RBPJ: variants seen among roughly 807,000 people sequenced by gnomAD.
RBPJ encodes recombination signal binding protein for immunoglobulin kappa J region, also known as recombining binding protein suppressor of hairless.
In RBPJ, 9 loss-of-function variants were observed where a neutral mutation model predicts 67.8. The ratio of observed to expected loss-of-function variants is 0.13; its 90% CI spans 0.08 to 0.23. The LOEUF is 0.23. RBPJ is among the 10% of genes least tolerant of loss of function. RBPJ has a pLI of 1.00. For synonymous variants in RBPJ, 198 were observed against 203.3 expected (o/e 0.97, Z 0.22); for missense variants, 305 against 595.6 (o/e 0.51, Z 5.08).
At chr4:26,353,206 G>C (rs995007019) in intron 1 of RBPJ, among the ~76,000 whole-genome samples, 1 of 152,138 alleles carries the variant, frequency 6.6e-6, no homozygotes, top group South Asian at 2.1e-4. Context: ...ACATTAATAT[G>C]CTAGGAAAAA....
intron 1 of RBPJ, among the ~76,000 whole-genome samples, chr4:26,345,892 C>T (rs1010360000): frequency 1.3e-5 from 2 of 152,120 alleles, no homozygotes; most frequent in African/African-American, 4.8e-5. Context: ...TACAGTGATG[C>T]TGGGGCTTAA....
At chr4:26,149,478 C>T in the RBPJ span, among the ~76,000 whole-genome samples, 1 of 152,158 alleles carries the variant, frequency 6.6e-6, no homozygotes, top group Non-Finnish European at 1.5e-5. Context: ...CGGATGTATT[C>T]CCCAAAATTC....
intron 1 of RBPJ, among the ~76,000 whole-genome samples, chr4:26,254,648 T>G (rs536096947): frequency 1.4e-5 from 2 of 147,914 alleles, no homozygotes; most frequent in South Asian, 4.2e-4. Context: ...ATGCTAGATA[T>G]GCTGTAAAAA....
At chr4:26,324,461 T>G (rs1723415143) in intron 1 of RBPJ, among the ~76,000 whole-genome samples, 1 of 152,030 alleles carries the variant, frequency 6.6e-6, no homozygotes, top group East Asian at 1.9e-4. Context: ...AACTCAAATG[T>G]AATAACATTA....
At chr4:26,114,658 G>A in the RBPJ span, among the ~76,000 whole-genome samples, 89,391 of 151,304 alleles carry the variant, frequency 0.59, 27,297 homozygotes, top group African/African-American at 0.66. Flanking sequence ...ACGTGTTAAC[G>A]TTTTCCACAC....
At chr4:26,182,919 G>A (rs982750792) in intron 1 of RBPJ, among the ~76,000 whole-genome samples, 6 of 152,134 alleles carry the variant, frequency 3.9e-5, no homozygotes, top group African/African-American at 1.2e-4. Context: ...GAAGGTCTTT[G>A]GGGCAATAAC....
rs113535806 is a variant in RBPJ at position 26,239,836 on chromosome 4, T to C, written c.-167+76222T>C. 8.3e-3 allele frequency among the ~76,000 whole-genome samples: 1,267 copies of C among 152,308 alleles called. 16 individuals carry two copies. The highest frequency in any genetic ancestry group is 0.028 in the African/African-American group (1,184 of 41,556). On this transcript the variant is annotated intron_variant, in intron 1 of 4. Coordinates refer to the RBPJ transcript ENST00000512351. Reference sequence around the variant, plus strand: ...CCTTGTTTCAGTGATGACAGTGAATTCCGTTATGCTGTTTCATTCTCTATT... The same window carrying C: ...CCTTGTTTCAGTGATGACAGTGAATCCCGTTATGCTGTTTCATTCTCTATT...
intron 1 of RBPJ, among the ~76,000 whole-genome samples, chr4:26,171,181 T>G (rs561500944): frequency 6.6e-6 from 1 of 152,370 alleles, no homozygotes; most frequent in South Asian, 2.1e-4. Flanking sequence ...TAATTTCTCT[T>G]CCTATTTTTG....
At chr4:26,426,697 A>G (rs1735707115) in intron 7 of RBPJ, among the ~76,000 whole-genome samples, 1 of 152,202 alleles carries the variant, frequency 6.6e-6, no homozygotes, top group Non-Finnish European at 1.5e-5. Context: ...GTCTTTTTGA[A>G]GTCGCAGTAT....
chr4:26,425,533 C>T (rs973469552), intron 7 of RBPJ, among the ~76,000 whole-genome samples: 6 of 151,900 alleles, frequency 3.9e-5, no homozygotes, highest in South Asian at 4.2e-4. Flanking sequence ...CACTTGAGCT[C>T]GGGAGGTCAA....
At chr4:26,285,551 A>G (rs1242723674) in intron 1 of RBPJ, among the ~76,000 whole-genome samples, 1 of 152,012 alleles carries the variant, frequency 6.6e-6, no homozygotes, top group Non-Finnish European at 1.5e-5. Flanking sequence ...TACAGTTTGA[A>G]AAAAATAGAA....
At chr4:26,401,787 T>C (rs1252465282) in intron 2 of RBPJ, among the ~76,000 whole-genome samples, 2 of 152,192 alleles carry the variant, frequency 1.3e-5, no homozygotes, top group South Asian at 2.1e-4. Flanking sequence ...TATTCAAATA[T>C]ATAGTAGCTC....
chr4:26,340,578 G>T (rs1357298331), intron 1 of RBPJ, among the ~76,000 whole-genome samples: 1 of 152,086 alleles, frequency 6.6e-6, no homozygotes, highest in African/African-American at 2.4e-5. Context: ...AGCATATTGG[G>T]GCCGGGCGGG....
At chr4:26,418,925 A>G (rs188878750) in intron 4 of RBPJ, among the ~76,000 whole-genome samples, 50 of 152,296 alleles carry the variant, frequency 3.3e-4, no homozygotes, top group Admixed American at 2.6e-3. Context: ...AGTGCGTTAG[A>G]GATCTTGGGT....
intron 2 of RBPJ, among the ~76,000 whole-genome samples, chr4:26,393,732 A>AAGTT (rs1290460459): frequency 1.3e-5 from 2 of 152,058 alleles, no homozygotes; most frequent in African/African-American, 4.8e-5. Context: ...AAGAATATTC[A>AAGTT]AGTTAGGAAA....
chr4:26,333,698 T>C (rs1045122969), intron 1 of RBPJ, among the ~76,000 whole-genome samples: 8 of 152,106 alleles, frequency 5.3e-5, no homozygotes, highest in African/African-American at 1.9e-4. Flanking sequence ...CTTAATTTTA[T>C]TTATTTCTTG....
intron 1 of RBPJ, among the ~76,000 whole-genome samples, chr4:26,291,224 C>T (rs537200309): frequency 1.3e-5 from 2 of 151,002 alleles, no homozygotes; most frequent in Non-Finnish European, 3.0e-5. Context: ...TATTAAGATT[C>T]TCTTCTGGGT....
At chr4:26,262,032 G>A (rs1720555490) in intron 1 of RBPJ, among the ~76,000 whole-genome samples, 1 of 152,122 alleles carries the variant, frequency 6.6e-6, no homozygotes, top group Admixed American at 6.5e-5. Flanking sequence ...TGCAGCCTTG[G>A]CCTCCTGGGC....
chr4:26,352,178 G>A (rs919935979), intron 1 of RBPJ, among the ~76,000 whole-genome samples: 7 of 152,122 alleles, frequency 4.6e-5, no homozygotes, highest in East Asian at 3.8e-4. Context: ...ACAGAATACC[G>A]TAAACTAGGT....
Sources: gnomAD v4.1 joint callset for allele counts (sites outside exome capture counted in the v4.1 genomes callset) on GRCh38, gnomAD v4.1.1 for gene constraint, MANE v1.5 for transcripts, NCBI Gene and HGNC (gene_info 2026-07-23, HGNC 2026-07-21) for gene names.